SIRT4: variants seen among roughly 807,000 people sequenced by gnomAD.
The protein encoded by SIRT4 is NAD-dependent protein lipoamidase sirtuin-4, mitochondrial.
Under a neutral mutation model 26.1 loss-of-function variants are expected in SIRT4, and 23 were observed. That is an observed-to-expected ratio of 0.88 (90% CI 0.63 to 1.25). SIRT4 has a LOEUF of 1.25. SIRT4 is among the 50% of genes most tolerant of loss of function. The pLI, the probability that SIRT4 is intolerant of heterozygous loss-of-function variation, is 0.00. For synonymous variants in SIRT4, 155 were observed against 158.4 expected (o/e 0.98, Z 0.16); for missense variants, 361 against 405.4 (o/e 0.89, Z 0.94).
the SIRT4 span, chr12:120,291,785 T>A: frequency 1.3e-5 from 2 of 152,194 alleles, no homozygotes; most frequent in Admixed American, 6.5e-5. Flanking sequence ...CTGTCAAAAA[T>A]TGCCAATGCC....
chr12:120,295,149 T>C, the SIRT4 span, among the ~76,000 whole-genome samples: 2 of 151,460 alleles, frequency 1.3e-5, no homozygotes, highest in African/African-American at 4.8e-5. Flanking sequence ...CATTGCTGGT[T>C]TCCACCTTTT....
chr12:120,293,184 T>A, the SIRT4 span: 2 of 152,160 alleles, frequency 1.3e-5, no homozygotes, highest in Non-Finnish European at 2.9e-5. Flanking sequence ...CAATTAGCAA[T>A]AATCGCGCCT....
At chr12:120,299,265 A>G (rs1872459345), upstream of SIRT4, among the ~76,000 whole-genome samples, 1 of 150,724 alleles carries the variant, frequency 6.6e-6, no homozygotes, top group South Asian at 2.1e-4. Context: ...AATAATAATA[A>G]AAGTGGCGGG....
At chr12:120,291,875 T>A in the SIRT4 span, 2 of 152,248 alleles carry the variant, frequency 1.3e-5, no homozygotes, top group East Asian at 3.9e-4. Flanking sequence ...TAAACCTCAT[T>A]GGCTACGATA....
chr12:120,310,536 G>A (rs1872919116), intron 2 of SIRT4, among the ~76,000 whole-genome samples: 1 of 151,564 alleles, frequency 6.6e-6, no homozygotes, highest in African/African-American at 2.4e-5. Context: ...TCTTTTAAGA[G>A]AAGAAAATCA....
upstream of SIRT4, among the ~76,000 whole-genome samples, chr12:120,298,029 C>G (rs565878822): frequency 2.7e-5 from 4 of 150,600 alleles, no homozygotes; most frequent in East Asian, 7.8e-4. Flanking sequence ...CTCACTGCAG[C>G]CTTGAAAAAA....
At chr12:120,298,579 G>A (rs1872421071), upstream of SIRT4, among the ~76,000 whole-genome samples, 1 of 151,942 alleles carries the variant, frequency 6.6e-6, no homozygotes, top group African/African-American at 2.4e-5. Flanking sequence ...GTGAAAGAGT[G>A]AGACCATGTC....
intron 2 of SIRT4, 137 bp downstream of exon 2, chr12:120,304,195 T>A: frequency 8.7e-7 from 1 of 1,150,686 alleles, no homozygotes; most frequent in Non-Finnish European, 1.2e-6. Flanking sequence ...TGCAGTTGAT[T>A]CCAGTAAATT....
Position 120,310,521 on chromosome 12 carries a change from G to C in SIRT4, c.498-1935G>C, listed in dbSNP as rs145969394. ...GTGTGAGCCACCATGCCTGGCCACA[G>C]GGGTTCTTTTAAGAGAAGAAAATCA... is the stretch of plus-strand genomic sequence containing the variant. On this transcript the variant is annotated intron_variant, in intron 2 of 3. Coordinates refer to ENST00000202967, the MANE Select transcript of SIRT4 (RefSeq NM_012240.3). Among the ~76,000 whole-genome samples the C allele has an allele frequency of 7.2e-3, 1,088 of 151,852 alleles. 16 individuals are homozygous for C. The highest frequency in any genetic ancestry group is 0.024 in the African/African-American group (1,011 of 41,406).
the SIRT4 span, among the ~76,000 whole-genome samples, chr12:120,296,074 G>T: frequency 1.1e-5 from 1 of 91,378 alleles, no homozygotes; most frequent in South Asian, 4.3e-4. Flanking sequence ...GTGACAAAGC[G>T]AGACTCCGTC....
chr12:120,304,803 T>TTA lies in SIRT4; in HGVS notation c.497+777_497+778dup, dbSNP rs1254801981. On this transcript the variant is annotated intron_variant, in intron 2 of 3. Transcript: ENST00000202967. ...TGTCTCTATATAAGTAAAGTAAATT[T>TTA]TATATATATATATATATATATATAT... 5.2e-3 allele frequency among the ~76,000 whole-genome samples: 316 copies of TTA among 60,354 alleles called. 1 individual carries two copies. Among genetic ancestry groups the TTA allele is most frequent in the Middle Eastern group, 0.016 (2 of 122 alleles). The allele number at this position is 60,354 out of a possible 152,430, so 39.6% of individuals were successfully genotyped here.
chr12:120,302,316 A>G (rs973228713), upstream of SIRT4: 1 of 152,226 alleles, frequency 6.6e-6, no homozygotes, highest in Non-Finnish European at 1.5e-5. Flanking sequence ...TACATGTCCC[A>G]AAATGCAAAT....
chr12:120,292,822 C>CGA, the SIRT4 span, among the ~76,000 whole-genome samples: 63 of 127,298 alleles, frequency 4.9e-4, no homozygotes, highest in African/African-American at 1.6e-3. Flanking sequence ...GAAAACAGTG[C>CGA]GAGAAAGAAA....
the SIRT4 span, chr12:120,293,218 T>G: frequency 6.6e-6 from 1 of 152,220 alleles, no homozygotes; most frequent in African/African-American, 2.4e-5. Context: ...TTGGCTACGA[T>G]ACTGCCACTG....
intron 2 of SIRT4, among the ~76,000 whole-genome samples, chr12:120,305,994 A>AAC (rs1872731287): frequency 6.6e-6 from 1 of 150,758 alleles, no homozygotes; most frequent in African/African-American, 2.4e-5. Flanking sequence ...CCTGGGTGAC[A>AAC]GAGCGAGACT....
At chr12:120,295,293 C>G in the SIRT4 span, among the ~76,000 whole-genome samples, 5 of 148,442 alleles carry the variant, frequency 3.4e-5, no homozygotes, top group African/African-American at 1.2e-4. Flanking sequence ...CAGCTCACCA[C>G]AACCTCTGCC....
the SIRT4 span, chr12:120,293,202 A>C: frequency 1.3e-5 from 2 of 152,198 alleles, no homozygotes; most frequent in East Asian, 1.9e-4. Flanking sequence ...CCTCGGATAG[A>C]CCTCATTGGC....
At chr12:120,295,948 G>A in the SIRT4 span, among the ~76,000 whole-genome samples, 8 of 151,400 alleles carry the variant, frequency 5.3e-5, no homozygotes, top group Non-Finnish European at 7.4e-5. Context: ...TTAACGGGGC[G>A]TGGTGGCGCT....
At chr12:120,302,217 C>G (rs965875514), upstream of SIRT4, 2 of 152,098 alleles carry the variant, frequency 1.3e-5, no homozygotes, top group African/African-American at 4.8e-5. Flanking sequence ...CGACAGGGGG[C>G]GTTCCTGGAT....
Sources: allele counts gnomAD v4.1 joint callset (sites outside exome capture counted in the v4.1 genomes callset), GRCh38; gene constraint gnomAD v4.1.1; transcripts MANE v1.5; gene names NCBI Gene and HGNC (gene_info 2026-07-23, HGNC 2026-07-21).